The following CFI variants were observed in gnomAD, a reference collection of about 807,000 sequenced individuals.
CFI encodes the protein C3B/C4B inactivator.
A neutral mutation model predicts 78.8 loss-of-function variants in CFI; 66 were observed. The observed-to-expected ratio is 0.84, with a 90% CI of 0.69 to 1.03. The LOEUF is 1.03. Ranked by LOEUF, CFI falls within the 50% of genes least tolerant of loss-of-function variation. The probability of loss-of-function intolerance (pLI) is 0.00; values close to 1 mark genes in which losing one functional copy is unlikely to be tolerated. For synonymous variants in CFI, 250 were observed against 232.6 expected (o/e 1.07, Z -0.68); for missense variants, 706 against 704.5 (o/e 1.00, Z -0.02).
At chr4:109,754,618 C>A (rs1301419054) in intron 7 of CFI, among the ~76,000 whole-genome samples, 1 of 152,020 alleles carries the variant, frequency 6.6e-6, no homozygotes, top group Non-Finnish European at 1.5e-5. Context: ...AGAATGGCAG[C>A]GTCACTTTGC....
At chr4:109,756,402 AAAG>A (rs372328678) in intron 7 of CFI, among the ~76,000 whole-genome samples, 39 of 150,782 alleles carry the variant, frequency 2.6e-4, no homozygotes, top group Admixed American at 7.3e-4. Context: ...AAGAAGGAGA[AAAG>A]AAGAAGAGAA....
intron 1 of CFI, among the ~76,000 whole-genome samples, chr4:109,791,796 G>A (rs547897897): frequency 7.9e-5 from 12 of 152,052 alleles, no homozygotes; most frequent in South Asian, 2.1e-4. Context: ...TTTTAATGTA[G>A]GCATTTACTG....
Position 109,749,317 on chromosome 4 carries a change from T to C in CFI, c.1049A>G (p.Asp350Gly). ...CTTAATTGCCACCTGCCATGGGAGG[T>C]CTCCCTGTAAAAGACATTTGTGTGG... ...IVGGKRAQLG[D>G]LPWQVAIKDA... Residue 350 changes from aspartate (D) to glycine (G), a missense_variant, in exon 10 of 13, where the codon GAC (aspartate) becomes GGC (glycine). Physicochemically the swap from Asp to Gly is moderately conservative, Grantham distance 94 (BLOSUM62 -1). Transcript: ENST00000394634. 6.2e-7 allele frequency: 1 copy of C among 1,613,478 alleles called. No homozygotes were observed. Among genetic ancestry groups the C allele is most frequent in the Non-Finnish European group, 8.5e-7 (1 of 1,179,678 alleles).
In CFI at chr4:109,761,627, T is replaced by C. The variant is rs75612300; in HGVS notation, c.548A>G (p.His183Arg). The C allele has an allele frequency of 3.8e-4, 613 of 1,613,802 alleles. 6 individuals carry two copies. The African/African-American group carries it at 7.3e-3, about 19-fold the overall frequency. ...GGTCTCTAATCCTCGGCAATGCACA[T>C]GTAGACATTCAGTGGAATTTATAGA... ...DLSINSTECL[H>R]VHCRGLETSL... The change falls in exon 4 of 13, where the codon CAT becomes CGT. Residue 183 changes from histidine to arginine, a missense_variant. His to Arg is a conservative substitution (Grantham distance 29). Transcript: ENST00000394634.
At chr4:109,794,440 T>C (rs1731789687) in intron 1 of CFI, 1 of 152,212 alleles carries the variant, frequency 6.6e-6, no homozygotes. Context: ...TAGAAAATTT[T>C]TCATGTTTGT....
downstream of CFI, among the ~76,000 whole-genome samples, chr4:109,737,935 G>A (rs773886753): frequency 3.9e-5 from 6 of 152,018 alleles, no homozygotes; most frequent in East Asian, 1.9e-4. Flanking sequence ...ACATAGAGTC[G>A]CTTCAGAGGG....
At chr4:109,796,606 A>T (rs1297422833) in intron 1 of CFI, among the ~76,000 whole-genome samples, 1 of 152,200 alleles carries the variant, frequency 6.6e-6, no homozygotes. Flanking sequence ...GTTTGAGACT[A>T]GTCTGGGCAA....
intron 1 of CFI, among the ~76,000 whole-genome samples, chr4:109,797,088 T>C (rs77281977): frequency 0.1 from 15,604 of 152,208 alleles, 1,825 homozygotes; most frequent in African/African-American, 0.28. Context: ...AAAATTTACA[T>C]GGAATTTCAA....
At chr4:109,782,140 G>A (rs1201654462) in intron 1 of CFI, among the ~76,000 whole-genome samples, 1 of 152,088 alleles carries the variant, frequency 6.6e-6, no homozygotes, top group Non-Finnish European at 1.5e-5. Flanking sequence ...CTTCAACACA[G>A]TATTGGAAGT....
chr4:109,748,048 G>A (rs1396904840), intron 10 of CFI, among the ~76,000 whole-genome samples: 1 of 152,138 alleles, frequency 6.6e-6, no homozygotes, highest in East Asian at 1.9e-4. Context: ...GAGTATCCCT[G>A]ATCTATATAA....
chr4:109,748,266 T>G (rs148804996), intron 10 of CFI, among the ~76,000 whole-genome samples: 3 of 152,338 alleles, frequency 2.0e-5, no homozygotes, highest in African/African-American at 7.2e-5. Context: ...TTAGTCAATT[T>G]ATTCAACAAA....
rs748554496 is a variant in CFI at position 109,740,777 on chromosome 4, T to C, written c.*116A>G. The C allele has an allele frequency of 2.1e-6, 2 of 948,916 alleles. No individual in the cohort carries two copies. Among genetic ancestry groups the C allele is most frequent in the Non-Finnish European group, 3.3e-6 (2 of 601,190 alleles). 58.8% of individuals were successfully genotyped at this position (948,916 alleles called of 1,614,324 possible). ...AACTCTGTGGAGACCTTTAAAAATA[T>C]CCAGTGAGATTTGCTTCATTTTTCC... On this transcript the variant is annotated 3_prime_UTR_variant, in exon 13 of 13. Coordinates refer to ENST00000394634, the MANE Select transcript of CFI (RefSeq NM_000204.5).
At position 109,761,653 on chromosome 4, in the gene CFI, G is replaced by A. The variant is rs1277721883; in HGVS notation, c.522C>T (p.Leu174=). The change falls in exon 4 of 13, where the codon CTC becomes CTT. Residue 174 remains leucine, a synonymous_variant. Transcript: ENST00000394634. ...GTAGACATTCAGTGGAATTTATAGA[G>A]AGATCAGACAACTTAAACCTTCTTT... ...DTQRRFKLSD[L]SINSTECLHV... 5 of 1,613,642 alleles carry A rather than the reference G, an allele frequency of 3.1e-6. No homozygotes were observed. The African/African-American group carries it at 5.3e-5, about 17-fold the overall frequency.
intron 11 of CFI, 134 bp downstream of exon 11, chr4:109,746,088 C>T: frequency 2.7e-6 from 3 of 1,092,820 alleles, no homozygotes; most frequent in Non-Finnish European, 4.0e-6. Context: ...TGAAGCCAGC[C>T]ATGGCTGGAT....
At chr4:109,794,686 A>AGGG (rs1047274818) in intron 1 of CFI, among the ~76,000 whole-genome samples, 2 of 152,094 alleles carry the variant, frequency 1.3e-5, no homozygotes, top group Admixed American at 1.3e-4. Flanking sequence ...CCAGCTATTC[A>AGGG]GGGGGCTAAG....
At chr4:109,779,672 C>T (rs1729734728) in intron 1 of CFI, among the ~76,000 whole-genome samples, 1 of 152,126 alleles carries the variant, frequency 6.6e-6, no homozygotes, top group Non-Finnish European at 1.5e-5. Flanking sequence ...GCCCACATTG[C>T]CAAGACAATC....
chr4:109,736,151 A>G (rs1490708501), downstream of CFI, among the ~76,000 whole-genome samples: 6 of 152,110 alleles, frequency 3.9e-5, no homozygotes, highest in African/African-American at 1.2e-4. Context: ...ATAAACTCAT[A>G]CTATAAGAGA....
rs78778701 is a variant in CFI at position 109,755,317 on chromosome 4, G to A, written c.904+2446C>T. ...CGCAGGCATTATTGGTGGAAGTAAG[G>A]ACTGGTATATAACAGCACTGCCAAA... On this transcript the variant is annotated intron_variant, in intron 7 of 12. Transcript: ENST00000394634. 9.4e-3 allele frequency among the ~76,000 whole-genome samples: 1,424 copies of A among 152,234 alleles called. 63 individuals carry two copies. The East Asian group carries it at 0.13, about 14-fold the overall frequency.
At chr4:109,736,033 C>T (rs1400622489), downstream of CFI, among the ~76,000 whole-genome samples, 3 of 152,212 alleles carry the variant, frequency 2.0e-5, no homozygotes, top group East Asian at 1.9e-4. Flanking sequence ...TTCACTATGG[C>T]GTCCAGGTGG....
Sources: gnomAD v4.1 joint callset for allele counts (sites outside exome capture counted in the v4.1 genomes callset) on GRCh38, gnomAD v4.1.1 for gene constraint, MANE v1.5 for transcripts, NCBI Gene and HGNC (gene_info 2026-07-23, HGNC 2026-07-21) for gene names.